ABI3BP: variants seen among roughly 807,000 people sequenced by gnomAD.
The protein encoded by ABI3BP is ABI family member 3 binding protein.
A neutral mutation model predicts 268.6 loss-of-function variants in ABI3BP; 216 were observed. The observed-to-expected ratio is 0.80, with a 90% CI of 0.72 to 0.90. ABI3BP has a LOEUF of 0.90. ABI3BP is among the 40% of genes least tolerant of loss of function. The pLI is 0.00. For synonymous variants in ABI3BP, 730 were observed against 730.0 expected, an observed-to-expected ratio of 1.00 and a Z score of 0.00; for missense variants, 2,090 against 2,182.4, an observed-to-expected ratio of 0.96 and a Z score of 0.84.
At chr3:100,868,377 A>G (rs1432801741) in intron 9 of ABI3BP, among the ~76,000 whole-genome samples, 1 of 152,222 alleles carries the variant, frequency 6.6e-6, no homozygotes, top group Non-Finnish European at 1.5e-5. Context: ...TCTCCAGGCA[A>G]TTCTAGATAT....
intron 15 of ABI3BP, 140 bp from the exon 16 acceptor site, chr3:100,850,874 C>G: frequency 1.6e-6 from 1 of 617,402 alleles, no homozygotes; most frequent in Non-Finnish European, 2.9e-6. Context: ...CATTTTAAAA[C>G]TAGTGATACA....
chr3:100,898,276 C>T (rs367750249), intron 4 of ABI3BP, among the ~76,000 whole-genome samples: 4 of 152,182 alleles, frequency 2.6e-5, no homozygotes, highest in African/African-American at 9.7e-5. Context: ...GGCTGGGCCC[C>T]ACCTTGAGAG....
At chr3:100,821,836 C>T (rs146428789) in intron 38 of ABI3BP, among the ~76,000 whole-genome samples, 4,789 of 152,010 alleles carry the variant, frequency 0.032, 93 homozygotes, top group Middle Eastern at 0.078. Flanking sequence ...CTCCTGACCT[C>T]ATGATCCACC....
Position 100,796,454 on chromosome 3 carries a change from G to A in ABI3BP, c.3772C>T (p.Leu1258Phe). The change falls in exon 52 of 68, where the codon CTC becomes TTC. Residue 1258 changes from leucine to phenylalanine, a missense_variant. Coordinates refer to ENST00000471714, the MANE Select transcript of ABI3BP (RefSeq NM_001375547.2). Reference protein sequence around the residue: ...SYTTPAPKDVLLPHKPYPEVS... With the variant: ...SYTTPAPKDVFLPHKPYPEVS... ...TCAGGGTATGGTTTATGAGGAAGGA[G>A]CACATCTTTTGGAGCTGAAAGAAAA... is the stretch of plus-strand genomic sequence containing the variant. 1 of 1,602,240 alleles carries A rather than the reference G, an allele frequency of 6.2e-7. No homozygotes were observed. Among genetic ancestry groups the A allele is most frequent in the Non-Finnish European group, 8.5e-7 (1 of 1,174,022 alleles).
At chr3:100,937,488 C>A (rs976400397) in intron 1 of ABI3BP, among the ~76,000 whole-genome samples, 6 of 151,946 alleles carry the variant, frequency 3.9e-5, no homozygotes, top group South Asian at 4.1e-4. Flanking sequence ...TAAAACAGAA[C>A]AAATTACCTA....
At chr3:100,784,950 T>C (rs1048172575) in intron 57 of ABI3BP, among the ~76,000 whole-genome samples, 3 of 152,106 alleles carry the variant, frequency 2.0e-5, no homozygotes, top group Non-Finnish European at 4.4e-5. Context: ...ACTACTCAGG[T>C]AATGAGTGCA....
At chr3:100,937,657 C>A (rs565653066) in intron 1 of ABI3BP, among the ~76,000 whole-genome samples, 1 of 152,134 alleles carries the variant, frequency 6.6e-6, no homozygotes, top group Admixed American at 6.6e-5. Context: ...TTAATAGGGT[C>A]TAATATTATT....
In ABI3BP at chr3:100,954,975, CTTTTTTT is replaced by C. The variant is rs71299382; in HGVS notation, c.80-28501_80-28495del. Among the ~76,000 whole-genome samples the C allele has an allele frequency of 6.6e-3, 630 of 94,744 alleles. 3 individuals are homozygous for C. The highest frequency in any genetic ancestry group is 0.018 in the African/African-American group (430 of 24,496). The allele number at this position is 94,744 out of a possible 152,430, so 62.2% of individuals were successfully genotyped here. A position where few individuals can be genotyped will look rare whatever the true frequency, so the allele number is the denominator to read the frequency against. ...ATCCCTTTAATGTTTTAAATTTTGT[CTTTTTTT>C]TTTTTTTTTTTTTTTTTTACGAATC... On this transcript the variant is annotated intron_variant, in intron 1 of 67. Coordinates refer to ENST00000471714, the MANE Select transcript of ABI3BP (RefSeq NM_001375547.2).
chr3:100,904,580 GA>G (rs2052312161), intron 2 of ABI3BP, among the ~76,000 whole-genome samples: 1 of 152,178 alleles, frequency 6.6e-6, no homozygotes, highest in African/African-American at 2.4e-5. Flanking sequence ...GGGACACACA[GA>G]GCTGTGAGAG....
chr3:100,876,658 C>A, intron 6 of ABI3BP, 98 bp from the exon 7 acceptor site: 1 of 1,067,648 alleles, frequency 9.4e-7, no homozygotes, highest in Non-Finnish European at 1.4e-6. Context: ...TTCTTGTCTT[C>A]AATGAAGTCT....
At position 100,850,655 on chromosome 3, in the gene ABI3BP, A is replaced by G; in HGVS notation, c.1426+5T>C. On this transcript the variant is annotated splice_donor_5th_base_variant and intron_variant, in intron 16 of 67. Transcript: ENST00000471714. ...AAAGTATGATTTTTCTGTTAAAAAC[A>G]TTACCCAGTGTTGCCCTTGGCTGTT... 1.9e-6 allele frequency: 3 copies of G among 1,603,596 alleles called. No homozygotes were observed. Among genetic ancestry groups the G allele is most frequent in the Non-Finnish European group, 2.6e-6 (3 of 1,172,030 alleles).
At chr3:100,783,869 C>G (rs1253690906) in intron 57 of ABI3BP, among the ~76,000 whole-genome samples, 1 of 152,198 alleles carries the variant, frequency 6.6e-6, no homozygotes, top group Non-Finnish European at 1.5e-5. Context: ...TGCACAATCC[C>G]TTGGCCTGGT....
chr3:100,884,919 G>T (rs982473629), intron 6 of ABI3BP, among the ~76,000 whole-genome samples: 1 of 152,062 alleles, frequency 6.6e-6, no homozygotes, highest in Non-Finnish European at 1.5e-5. Context: ...CATCCCAGGT[G>T]GGGTGGTATA....
intron 57 of ABI3BP, among the ~76,000 whole-genome samples, chr3:100,786,176 A>G (rs1312420348): frequency 1.3e-5 from 2 of 152,296 alleles, no homozygotes; most frequent in African/African-American, 2.4e-5. Flanking sequence ...ATAAAAGAAT[A>G]TAGACCAGGC....
chr3:100,941,780 A>G (rs771818733), intron 1 of ABI3BP, among the ~76,000 whole-genome samples: 13 of 152,288 alleles, frequency 8.5e-5, no homozygotes, highest in Admixed American at 2.0e-4. Context: ...AAGTAGGAAA[A>G]CTGCTTTTCA....
intron 2 of ABI3BP, chr3:100,911,678 A>G: frequency 1.3e-6 from 1 of 750,302 alleles, no homozygotes; most frequent in East Asian, 2.4e-5. Context: ...GTTCAGAAAT[A>G]TCCAGATTGG....
chr3:100,937,162 C>T (rs1014557415), intron 1 of ABI3BP, among the ~76,000 whole-genome samples: 1 of 151,992 alleles, frequency 6.6e-6, no homozygotes, highest in Non-Finnish European at 1.5e-5. Context: ...TGAAATATTA[C>T]ACATAAGAAT....
At chr3:100,806,028 C>T (rs2097696038) in intron 50 of ABI3BP, among the ~76,000 whole-genome samples, 1 of 151,890 alleles carries the variant, frequency 6.6e-6, no homozygotes. Context: ...ATTGCTATTA[C>T]CTATACACAC....
At chr3:100,880,582 G>A (rs1362339894) in intron 6 of ABI3BP, among the ~76,000 whole-genome samples, 1 of 152,150 alleles carries the variant, frequency 6.6e-6, no homozygotes, top group South Asian at 2.1e-4. Flanking sequence ...GAAGCATGCA[G>A]TTGGTGACAC....
Sources: gnomAD v4.1 joint callset for allele counts (sites outside exome capture counted in the v4.1 genomes callset) on GRCh38, gnomAD v4.1.1 for gene constraint, MANE v1.5 for transcripts, NCBI Gene and HGNC (gene_info 2026-07-23, HGNC 2026-07-21) for gene names.